The following TRIO variants were observed in gnomAD, a reference collection of about 807,000 sequenced individuals.
The protein encoded by TRIO is triple functional domain protein.
A neutral mutation model predicts 351.9 loss-of-function variants in TRIO; 58 were observed. The ratio of observed to expected loss-of-function variants is 0.16; its 90% CI spans 0.13 to 0.21. The LOEUF is 0.21. Ranked by LOEUF, TRIO falls within the 10% of genes least tolerant of loss-of-function variation. TRIO has a pLI of 1.00. For synonymous variants in TRIO, 1,758 were observed against 1,595.7 expected, an observed-to-expected ratio of 1.10 and a Z score of -2.42; for missense variants, 3,201 against 4,027.8, an observed-to-expected ratio of 0.79 and a Z score of 5.56.
At chr5:14,478,869 G>T (rs32528) in intron 41 of TRIO, among the ~76,000 whole-genome samples, 1 of 151,944 alleles carries the variant, frequency 6.6e-6, no homozygotes, top group Admixed American at 6.6e-5. Context: ...GCTGAGGTAG[G>T]AGGATCGCTT....
chr5:14,328,274 TAAAAC>T (rs1237863067), intron 9 of TRIO, among the ~76,000 whole-genome samples: 1 of 152,210 alleles, frequency 6.6e-6, no homozygotes, highest in Non-Finnish European at 1.5e-5. Context: ...ATGCACTACT[TAAAAC>T]AATGAGCTCA....
chr5:14,246,605 G>T (rs77429161), intron 1 of TRIO, among the ~76,000 whole-genome samples: 2 of 152,190 alleles, frequency 1.3e-5, no homozygotes, highest in Non-Finnish European at 2.9e-5. Context: ...CTTCTTCCCA[G>T]CTGAGGCCTG....
chr5:14,177,126 G>A (rs12652543), intron 1 of TRIO, among the ~76,000 whole-genome samples: 25,349 of 152,180 alleles, frequency 0.17, 2,501 homozygotes, highest in East Asian at 0.45. Flanking sequence ...GTTGACAGTG[G>A]TGAGCATACA....
At chr5:14,486,235 C>T (rs931887025) in intron 47 of TRIO, among the ~76,000 whole-genome samples, 4 of 152,184 alleles carry the variant, frequency 2.6e-5, no homozygotes, top group African/African-American at 9.7e-5. Flanking sequence ...GCTTCATGTT[C>T]GTATTCACGG....
chr5:14,456,875 C>T (rs1397521371), intron 34 of TRIO, among the ~76,000 whole-genome samples: 1 of 152,170 alleles, frequency 6.6e-6, no homozygotes, highest in East Asian at 1.9e-4. Flanking sequence ...TATGTTATTT[C>T]ATTCTGTTAA....
intron 1 of TRIO, among the ~76,000 whole-genome samples, chr5:14,253,590 TG>T (rs886398547): frequency 1.3e-5 from 2 of 152,162 alleles, no homozygotes; most frequent in African/African-American, 4.8e-5. Context: ...CTGCCCGCCT[TG>T]GCCTCTCAGA....
intron 2 of TRIO, among the ~76,000 whole-genome samples, chr5:14,272,721 C>T (rs1032308157): frequency 6.6e-6 from 1 of 152,210 alleles, no homozygotes. Flanking sequence ...GGTGTCACCT[C>T]ACTTTTACAG....
At chr5:14,379,922 T>C (rs1305011413) in intron 20 of TRIO, among the ~76,000 whole-genome samples, 1 of 152,220 alleles carries the variant, frequency 6.6e-6, no homozygotes, top group East Asian at 1.9e-4. Flanking sequence ...GGGCTCTTGC[T>C]GATCTTGCCT....
At chr5:14,492,291 T>C in intron 48 of TRIO, 1 of 472,590 alleles carries the variant, frequency 2.1e-6, no homozygotes. Flanking sequence ...AAGACCACAG[T>C]GGAACGAGCT....
intron 1 of TRIO, among the ~76,000 whole-genome samples, chr5:14,239,110 T>C (rs1173175446): frequency 6.6e-6 from 1 of 152,142 alleles, no homozygotes; most frequent in East Asian, 1.9e-4. Context: ...TTATATGTAG[T>C]CAACAGAGTT....
chr5:14,367,051 T>C (rs1206522487), intron 16 of TRIO, 72 bp downstream of exon 16: 125 of 1,591,708 alleles, frequency 7.9e-5, no homozygotes, highest in Non-Finnish European at 1.0e-4. Flanking sequence ...TCCCCCAACA[T>C]GGCACTGACC....
At chr5:14,419,329 C>T (rs1394086072) in intron 33 of TRIO, among the ~76,000 whole-genome samples, 1 of 152,150 alleles carries the variant, frequency 6.6e-6, no homozygotes, top group East Asian at 1.9e-4. Context: ...AGCCCATTGC[C>T]TGTTCAGTCC....
chr5:14,278,304 T>C (rs1175465326), intron 2 of TRIO, among the ~76,000 whole-genome samples: 1 of 152,216 alleles, frequency 6.6e-6, no homozygotes, highest in Non-Finnish European at 1.5e-5. Context: ...CATGCAACTT[T>C]CTTAGATTGG....
At chr5:14,293,572 G>A (rs541541530) in intron 6 of TRIO, among the ~76,000 whole-genome samples, 3 of 152,196 alleles carry the variant, frequency 2.0e-5, no homozygotes, top group Non-Finnish European at 4.4e-5. Context: ...GTTCTCCTGA[G>A]GCATGAGATT....
chr5:14,259,210 AGAGAGAGGT>A (rs1229767987), intron 1 of TRIO, among the ~76,000 whole-genome samples: 1 of 152,236 alleles, frequency 6.6e-6, no homozygotes, highest in Non-Finnish European at 1.5e-5. Flanking sequence ...ACAGATGCCA[AGAGAGAGGT>A]GAGTCCATCA....
At chr5:14,386,797 T>G (rs1283811180) in intron 21 of TRIO, among the ~76,000 whole-genome samples, 2 of 152,166 alleles carry the variant, frequency 1.3e-5, no homozygotes, top group African/African-American at 4.8e-5. Flanking sequence ...ATAGAATAAT[T>G]TTAGAGAGAG....
intron 11 of TRIO, among the ~76,000 whole-genome samples, chr5:14,349,675 C>T (rs754579102): frequency 1.3e-5 from 2 of 152,286 alleles, no homozygotes; most frequent in South Asian, 2.1e-4. Flanking sequence ...TGAACTTTTA[C>T]CTTTCTCCAT....
chr5:14,390,834 A>T, intron 26 of TRIO, 67 bp from the exon 27 acceptor site: 2 of 1,354,546 alleles, frequency 1.5e-6, no homozygotes, highest in East Asian at 2.5e-5. Flanking sequence ...CTTCTTTTCT[A>T]TATGAAAGTT....
At chr5:14,184,398 C>T (rs959737100) in intron 1 of TRIO, among the ~76,000 whole-genome samples, 17 of 152,216 alleles carry the variant, frequency 1.1e-4, no homozygotes, top group African/African-American at 3.6e-4. Flanking sequence ...CCTTCTGCAA[C>T]GTGCCCTGCA....
Sources: allele counts gnomAD v4.1 joint callset (sites outside exome capture counted in the v4.1 genomes callset), GRCh38; gene constraint gnomAD v4.1.1; transcripts MANE v1.5; gene names NCBI Gene and HGNC (gene_info 2026-07-23, HGNC 2026-07-21).